The following STK25 variants were observed in gnomAD, a reference collection of about 807,000 sequenced individuals.
The protein encoded by STK25 is serine/threonine kinase 25.
In STK25, 29 loss-of-function variants were observed where a neutral mutation model predicts 53.8. That is an observed-to-expected ratio of 0.54 (90% CI 0.40 to 0.74). STK25 has a LOEUF of 0.74. Among genes scored for constraint, STK25 ranks in the 30% least tolerant of loss-of-function variants. The pLI, the probability that STK25 is intolerant of heterozygous loss-of-function variation, is 0.00. For missense variants in STK25, 420 were observed against 568.0 expected (o/e 0.74, Z 2.65); for synonymous variants, 247 against 238.3 (o/e 1.04, Z -0.33).
In STK25 at chr2:241,496,669, A is replaced by G. The variant is rs1281516519; in HGVS notation, c.1105-135T>C. On this transcript the variant is annotated intron_variant, in intron 10 of 11. Transcript: ENST00000316586. This position sits in a 1 kb window ranked among gnomAD's most constrained non-coding sequence, Gnocchi z 5.8. ...GAGCCACACCCGGGAGCCCTTCAGC[A>G]AGCCGGGAAGTGAGGTGGCCCAAGG... 12 of 996,204 alleles carry G rather than the reference A, an allele frequency of 1.2e-5. No homozygotes were observed. The Admixed American group carries it at 2.8e-4, about 23-fold the overall frequency. The allele number at this position is 996,204 out of a possible 1,614,324, so 61.7% of individuals were successfully genotyped here.
rs1363841526 is a variant in STK25 at position 241,508,101 on chromosome 2, G to T, written c.-66C>A. 2.6e-6 allele frequency: 4 copies of T among 1,550,860 alleles called. No homozygotes were observed. Among genetic ancestry groups the T allele is most frequent in the Non-Finnish European group, 3.5e-6 (4 of 1,149,302 alleles). Reference sequence around the variant, plus strand: ...GCGTCTGGATCCCGCGGAGAGGCGCGGAGCCGGCTAGCTCGCCCCTGCGGC... The same window carrying T: ...GCGTCTGGATCCCGCGGAGAGGCGCTGAGCCGGCTAGCTCGCCCCTGCGGC... On this transcript the variant is annotated 5_prime_UTR_variant, in exon 2 of 12. Transcript: ENST00000316586.
At position 241,494,991 on chromosome 2, in the gene STK25, C is replaced by T. The variant is rs1035387426; in HGVS notation, c.*671G>A. ...CCAGGGACGCTGCAGCCCCGCATGG[C>T]CCGGGCCCCACCACACACACCTGCA... On this transcript the variant is annotated 3_prime_UTR_variant, in exon 12 of 12. Transcript: ENST00000316586. The surrounding 1 kb of genome is among the most constrained non-coding windows in gnomAD (Gnocchi z 4.9). 1 of 152,180 alleles carries T rather than the reference C, an allele frequency of 6.6e-6. No individual in the cohort carries two copies. Among genetic ancestry groups the T allele is most frequent in the Admixed American group, 6.5e-5 (1 of 15,272 alleles). 9.4% of individuals were successfully genotyped at this position (152,180 alleles called of 1,614,324 possible).
At chr2:241,500,663 C>G (rs2065454360) in intron 4 of STK25, 77 bp downstream of exon 4, 1 of 1,451,636 alleles carries the variant, frequency 6.9e-7, no homozygotes, top group South Asian at 1.2e-5. Flanking sequence ...CGAGAGGTGG[C>G]CCCTGGAGCC....
intron 3 of STK25, 49 bp from the exon 4 acceptor site, chr2:241,500,845 A>G (rs777210252): frequency 6.3e-7 from 1 of 1,598,766 alleles, no homozygotes; most frequent in Admixed American, 1.7e-5. Flanking sequence ...GAGGAAGGGC[A>G]TGCTCCAGGG....
At chr2:241,505,632 A>T (rs919976053) in intron 2 of STK25, among the ~76,000 whole-genome samples, 3 of 152,072 alleles carry the variant, frequency 2.0e-5, no homozygotes, top group Admixed American at 2.0e-4. Context: ...CGGTAGGGAA[A>T]CCCCTGGGTG....
Position 241,493,516 on chromosome 2 carries a change from G to C in STK25, c.*2146C>G, listed in dbSNP as rs1417820789. 1 of 1,476,584 alleles carries C rather than the reference G, an allele frequency of 6.8e-7. No homozygotes were observed. The highest frequency in any genetic ancestry group is 1.4e-5 in the African/African-American group (1 of 71,998). The allele number at this position is 1,476,584 out of a possible 1,614,324, so 91.5% of individuals were successfully genotyped here. On this transcript the variant is annotated 3_prime_UTR_variant, in exon 12 of 12. Transcript: ENST00000316586. ...CGCTCAGCTCCCATTTCTACTCATG[G>C]TGGTGGAGGCAAGTTTTCTGGGCCC...
In STK25 at chr2:241,493,591, T is replaced by A; in HGVS notation, c.*2071A>T. The A allele has an allele frequency of 1.5e-6, 1 of 663,310 alleles. No individual in the cohort carries two copies. The highest frequency in any genetic ancestry group is 2.5e-6 in the Non-Finnish European group (1 of 399,278). The allele number at this position is 663,310 out of a possible 1,614,324, so 41.1% of individuals were successfully genotyped here. A position where few individuals can be genotyped will look rare whatever the true frequency, so the allele number is the denominator to read the frequency against. ...TTCCAGCATTTCCAAAAAACAGCAA[T>A]GCTTTGTTTTTTTTTTTTTTGGAGA... On this transcript the variant is annotated 3_prime_UTR_variant, in exon 12 of 12. Coordinates refer to ENST00000316586, the MANE Select transcript of STK25 (RefSeq NM_001271977.2).
intron 9 of STK25, 130 bp from the exon 10 acceptor site, chr2:241,497,817 GCCGGC>G: frequency 1.1e-6 from 1 of 898,312 alleles, no homozygotes; most frequent in Non-Finnish European, 1.7e-6. Context: ...CATGTCCAGG[GCCGGC>G]CCCAAAACCA....
At chr2:241,498,190 G>A (rs200581134) in intron 9 of STK25, 45 bp downstream of exon 9, 5 of 1,554,538 alleles carry the variant, frequency 3.2e-6, no homozygotes, top group Admixed American at 3.3e-5. Context: ...CCCATCCCAC[G>A]GCCCCAGGGG....
At chr2:241,505,065 C>T (rs1241753413) in intron 2 of STK25, among the ~76,000 whole-genome samples, 1 of 150,102 alleles carries the variant, frequency 6.7e-6, no homozygotes. Context: ...TACAGGCACC[C>T]GCCATCATGC....
In STK25 at chr2:241,500,740, C is replaced by G; in HGVS notation, c.318G>C (p.Leu106Phe). The G allele has an allele frequency of 1.2e-6, 2 of 1,613,872 alleles. No individual in the cohort carries two copies. Among genetic ancestry groups the G allele is most frequent in the Non-Finnish European group, 1.7e-6 (2 of 1,179,934 alleles). Residue 106 changes from leucine to phenylalanine, a missense_variant and splice_region_variant, in exon 4 of 12, where the codon TTG becomes TTC. Leu to Phe is a conservative substitution (Grantham distance 22). Transcript: ENST00000316586. ...EYLGGGSALD[L>F]LKPGPLEETY... The stretch of plus-strand genomic sequence containing the variant: ...CCCACTGCCATGGCCTATGCCTCAC[C>G]AAGTCCAGTGCTGAGCCGCCGCCCA...
rs755528962 is a variant in STK25, at chr2:241,501,743, C to A, written c.31-35G>T. ...CAGGGCGGGGACAGAGGGCAGACAG[C>A]GCCGGTCACAAGAGGCGGGGGACAG... On this transcript the variant is annotated intron_variant, in intron 2 of 11. Coordinates refer to ENST00000316586, the MANE Select transcript of STK25 (RefSeq NM_001271977.2). This position sits in a 1 kb window ranked among gnomAD's most constrained non-coding sequence, Gnocchi z 5.3. 4 of 1,560,638 alleles carry A rather than the reference C, an allele frequency of 2.6e-6. No individual in the cohort carries two copies. In the African/African-American group the frequency reaches 4.1e-5, roughly 16 times the overall value.
rs368578935 is a variant in STK25, at chr2:241,493,745, C to T, written c.*1917G>A. ...GAGTAACTGAGATTACAGGCATGCACGCCACGCCGCCTGGCTAATTTTTGT... is the reference window on the plus strand; with the variant it reads ...GAGTAACTGAGATTACAGGCATGCATGCCACGCCGCCTGGCTAATTTTTGT... On this transcript the variant is annotated 3_prime_UTR_variant, in exon 12 of 12. Transcript: ENST00000316586. The T allele has an allele frequency of 8.6e-5, 41 of 477,572 alleles. No homozygotes were observed. The highest frequency in any genetic ancestry group is 5.9e-4 in the African/African-American group (30 of 51,228). The allele number at this position is 477,572 out of a possible 1,614,324, so 29.6% of individuals were successfully genotyped here.
At chr2:241,507,911 C>T in intron 2 of STK25, 95 bp downstream of exon 2, 1 of 1,315,602 alleles carries the variant, frequency 7.6e-7, no homozygotes, top group Non-Finnish European at 1.1e-6. Context: ...CACCCCACTG[C>T]CCGCTCCGGC....
chr2:241,497,668 CTCTTGACGGGCTCCGCAGGCTGCA>C lies in STK25; in HGVS notation c.1033-5_1051del. ...GGACAGGCACTGGGACCTCGGCTGC[CTCTTGACGGGCTCCGCAGGCTGCA>C]AAGGAGTGGAGGCCCAGGGTGAGCA... On this transcript the variant is annotated splice_acceptor_variant and splice_polypyrimidine_tract_variant and coding_sequence_variant and intron_variant, in exon 10 of 12. Transcript: ENST00000316586. LOFTEE classifies it high-confidence loss of function. 1 of 1,613,498 alleles carries C rather than the reference CTCTTGACGGGCTCCGCAGGCTGCA, an allele frequency of 6.2e-7. No individual in the cohort carries two copies. Among genetic ancestry groups the C allele is most frequent in the Non-Finnish European group, 8.5e-7 (1 of 1,180,006 alleles).
In STK25 at chr2:241,501,026, C is replaced by T; in HGVS notation, c.262-230G>A. On this transcript the variant is annotated intron_variant, in intron 3 of 11. Coordinates refer to ENST00000316586, the MANE Select transcript of STK25 (RefSeq NM_001271977.2). The surrounding 1 kb of genome is among the most constrained non-coding windows in gnomAD (Gnocchi z 5.3). ...GAGTACACACAGCAGTGGCTGACTC[C>T]ACTTCACCAAGACCCCATCAAAAAC... The T allele has an allele frequency of 3.4e-6, 2 of 589,750 alleles. No individual in the cohort carries two copies. The highest frequency in any genetic ancestry group is 6.1e-6 in the Non-Finnish European group (2 of 330,546). The allele number at this position is 589,750 out of a possible 1,614,324, so 36.5% of individuals were successfully genotyped here. A position where few individuals can be genotyped will look rare whatever the true frequency, so the allele number is the denominator to read the frequency against.
In STK25 at chr2:241,501,890, G is replaced by T; in HGVS notation, c.31-182C>A. Reference sequence around the variant, plus strand: ...TTTTGTTCAAAAACTAAACTTGGCCGGGCGTGGTGGCTCACGCCTGTAATT... The same window carrying T: ...TTTTGTTCAAAAACTAAACTTGGCCTGGCGTGGTGGCTCACGCCTGTAATT... On this transcript the variant is annotated intron_variant, in intron 2 of 11. Transcript: ENST00000316586. This position sits in a 1 kb window ranked among gnomAD's most constrained non-coding sequence, Gnocchi z 5.3. 1.7e-6 allele frequency: 1 copy of T among 576,544 alleles called. No homozygotes were observed. Among genetic ancestry groups the T allele is most frequent in the South Asian group, 2.0e-5 (1 of 49,336 alleles). 35.7% of individuals were successfully genotyped at this position (576,544 alleles called of 1,614,324 possible). A position where few individuals can be genotyped will look rare whatever the true frequency, so the allele number is the denominator to read the frequency against.
At chr2:241,504,758 A>G (rs7596240) in intron 2 of STK25, among the ~76,000 whole-genome samples, 42,773 of 151,926 alleles carry the variant, frequency 0.28, 6,397 homozygotes, top group African/African-American at 0.36. Flanking sequence ...ACTGGCTGTC[A>G]TAGGTAAGCA....
chr2:241,494,208 A>C lies in STK25; in HGVS notation c.*1454T>G. Reference sequence around the variant, plus strand: ...CCTCTGTCCTGAGGCTTCTCAACAGATGGGAAGTGGCTGTGGTCTCACTGG... The same window carrying C: ...CCTCTGTCCTGAGGCTTCTCAACAGCTGGGAAGTGGCTGTGGTCTCACTGG... On this transcript the variant is annotated 3_prime_UTR_variant, in exon 12 of 12. Transcript: ENST00000316586. The surrounding 1 kb of genome is among the most constrained non-coding windows in gnomAD (Gnocchi z 4.9). 1.2e-6 allele frequency: 1 copy of C among 804,916 alleles called. No individual in the cohort carries two copies. Among genetic ancestry groups the C allele is most frequent in the Non-Finnish European group, 1.9e-6 (1 of 540,282 alleles). The allele number at this position is 804,916 out of a possible 1,614,324, so 49.9% of individuals were successfully genotyped here.
Sources: gnomAD v4.1 joint callset for allele counts (sites outside exome capture counted in the v4.1 genomes callset) on GRCh38, gnomAD v4.1.1 for gene constraint, Gnocchi (gnomAD v3.1) non-coding constraint, MANE v1.5 for transcripts, NCBI Gene and HGNC (gene_info 2026-07-23, HGNC 2026-07-21) for gene names.